Variants in IL10RB observed in about 807,000 individuals in gnomAD.
IL10RB encodes interleukin 10 receptor subunit beta, also known as interleukin-10 receptor subunit beta.
IL10RB carries 30 observed loss-of-function variants against 38.7 expected under a neutral mutation model. The ratio of observed to expected loss-of-function variants is 0.78; its 90% CI spans 0.58 to 1.05. The LOEUF (loss-of-function observed/expected upper bound fraction) is 1.05. Ranked by LOEUF, IL10RB falls within the 50% of genes least tolerant of loss-of-function variation. The pLI is 0.00. For missense variants in IL10RB, 328 were observed against 397.1 expected, an observed-to-expected ratio of 0.83 and a Z score of 1.48; for synonymous variants, 142 against 145.9, an observed-to-expected ratio of 0.97 and a Z score of 0.19.
downstream of IL10RB, among the ~76,000 whole-genome samples, chr21:33,301,840 CAG>C (rs2082986730): frequency 2.0e-5 from 3 of 152,170 alleles, no homozygotes; most frequent in Admixed American, 2.0e-4. Flanking sequence ...CAAGAAGTGA[CAG>C]AGCCAGGACT....
intron 1 of IL10RB, among the ~76,000 whole-genome samples, chr21:33,304,825 T>C (rs561018791): frequency 7.2e-5 from 11 of 152,376 alleles, no homozygotes; most frequent in Admixed American, 2.6e-4. Context: ...AGTTACAAAA[T>C]GGCTTTTATT....
chr21:33,276,563 T>G (rs2123573626), intron 2 of IL10RB, 33 bp from the exon 3 acceptor site: 1 of 1,588,138 alleles, frequency 6.3e-7, no homozygotes, highest in Non-Finnish European at 8.6e-7. Flanking sequence ...AAGCCAGAAC[T>G]CTCCTGATTG....
chr21:33,300,382 A>C (rs992204953), downstream of IL10RB, among the ~76,000 whole-genome samples: 1 of 151,584 alleles, frequency 6.6e-6, no homozygotes, highest in Non-Finnish European at 1.5e-5. Context: ...CGGAGGTTGC[A>C]GTGAGCCGAG....
At chr21:33,284,068 G>A (rs1480437516) in intron 5 of IL10RB, among the ~76,000 whole-genome samples, 3 of 152,274 alleles carry the variant, frequency 2.0e-5, no homozygotes, top group East Asian at 3.9e-4. Context: ...GGCCGAGGCG[G>A]GCGGATCACC....
chr21:33,276,028 G>T (rs928642329), intron 2 of IL10RB, among the ~76,000 whole-genome samples: 1 of 152,242 alleles, frequency 6.6e-6, no homozygotes, highest in Admixed American at 6.5e-5. Flanking sequence ...AAGTGAGCAT[G>T]TGCTGTTGGA....
chr21:33,280,264 A>C (rs1012176005), intron 4 of IL10RB, among the ~76,000 whole-genome samples: 1 of 152,212 alleles, frequency 6.6e-6, no homozygotes, highest in Admixed American at 6.5e-5. Flanking sequence ...TGTGTCCCAC[A>C]CACACCGCAA....
At chr21:33,267,139 C>T (rs1325924611) in intron 1 of IL10RB, among the ~76,000 whole-genome samples, 1 of 152,186 alleles carries the variant, frequency 6.6e-6, no homozygotes, top group African/African-American at 2.4e-5. Flanking sequence ...GTTCCAATAA[C>T]ACCATGGTCA....
intron 3 of IL10RB, among the ~76,000 whole-genome samples, chr21:33,277,126 T>C (rs45475398): frequency 6.6e-6 from 1 of 152,048 alleles, no homozygotes. Flanking sequence ...GGCAAAAGAA[T>C]GAAGGCAGAT....
intron 6 of IL10RB, chr21:33,294,020 G>C (rs1049688182): frequency 1.1e-5 from 5 of 471,058 alleles, no homozygotes; most frequent in Non-Finnish European, 2.2e-5. Context: ...AGAGAAACTG[G>C]TCAGACAGGA....
chr21:33,303,782 C>T (rs1347289146), intron 1 of IL10RB, among the ~76,000 whole-genome samples: 1 of 152,222 alleles, frequency 6.6e-6, no homozygotes, highest in African/African-American at 2.4e-5. Context: ...AGACCTACAG[C>T]CCCCGCTCTG....
downstream of IL10RB, among the ~76,000 whole-genome samples, chr21:33,300,800 G>A (rs546062658): frequency 4.6e-5 from 7 of 152,226 alleles, no homozygotes; most frequent in East Asian, 5.8e-4. Flanking sequence ...TGCTGATGCC[G>A]TTCTCAGAGG....
chr21:33,296,382 C>G lies in IL10RB; in HGVS notation c.*25C>G. 6.2e-7 allele frequency: 1 copy of G among 1,608,886 alleles called. No individual in the cohort carries two copies. The highest frequency in any genetic ancestry group is 2.2e-5 in the East Asian group (1 of 44,872). ...GGCTCTGAGAAGGAAACACACTCGG[C>G]TGGGCACAGTGACGTACTCCATCTC... On this transcript the variant is annotated 3_prime_UTR_variant, in exon 7 of 7. Transcript: ENST00000290200.
chr21:33,296,021 G>A (rs1209199518), intron 6 of IL10RB, among the ~76,000 whole-genome samples, 163 bp from the exon 7 acceptor site: 1 of 152,086 alleles, frequency 6.6e-6, no homozygotes. Flanking sequence ...TCCAGCCTGG[G>A]TGACAGAGCA....
chr21:33,285,864 G>A (rs1459921139), intron 5 of IL10RB, among the ~76,000 whole-genome samples: 2 of 152,146 alleles, frequency 1.3e-5, no homozygotes, highest in Admixed American at 6.5e-5. Context: ...ACTGGGGGCC[G>A]CTCCAGCCAG....
intron 6 of IL10RB, among the ~76,000 whole-genome samples, chr21:33,289,136 A>C (rs1989434578): frequency 6.6e-6 from 1 of 152,198 alleles, no homozygotes; most frequent in African/African-American, 2.4e-5. Flanking sequence ...TGTGAACTCC[A>C]CATTGGCCAT....
At chr21:33,302,166 G>A (rs1306986905), downstream of IL10RB, among the ~76,000 whole-genome samples, 1 of 152,200 alleles carries the variant, frequency 6.6e-6, no homozygotes, top group Non-Finnish European at 1.5e-5. Context: ...CAACGAACAG[G>A]GAATCGAGGT....
rs982831273 is a variant in IL10RB, at chr21:33,297,104, T to A, written c.*747T>A. 1.3e-5 allele frequency: 2 copies of A among 159,234 alleles called. No homozygotes were observed. Among genetic ancestry groups the A allele is most frequent in the African/African-American group, 2.4e-5 (1 of 41,476 alleles). The allele number at this position is 159,234 out of a possible 1,614,324, so 9.9% of individuals were successfully genotyped here. A position where few individuals can be genotyped will look rare whatever the true frequency, so the allele number is the denominator to read the frequency against. ...CTCAACTCAAGGGTGGTCAGCTCAA[T>A]GCTACACAGAGCACGGACTTTTGGA... On this transcript the variant is annotated 3_prime_UTR_variant, in exon 7 of 7. Coordinates refer to ENST00000290200, the MANE Select transcript of IL10RB (RefSeq NM_000628.5).
At chr21:33,289,440 G>A (rs1010526453) in intron 6 of IL10RB, among the ~76,000 whole-genome samples, 3 of 104 alleles carry the variant, frequency 0.029, no homozygotes, top group South Asian at 0.25. Flanking sequence ...TCCTTCCTCC[G>A]CTGCCCTGAG....
chr21:33,277,814 T>C (rs1384910797), intron 3 of IL10RB, among the ~76,000 whole-genome samples: 1 of 150,982 alleles, frequency 6.6e-6, no homozygotes, highest in African/African-American at 2.4e-5. Context: ...GGACTTCAAG[T>C]GCCTGTCACT....
Sources: gnomAD v4.1 joint callset for allele counts (sites outside exome capture counted in the v4.1 genomes callset) on GRCh38, gnomAD v4.1.1 for gene constraint, MANE v1.5 for transcripts, NCBI Gene and HGNC (gene_info 2026-07-23, HGNC 2026-07-21) for gene names.